The following AGBL4 variants were observed in gnomAD, a reference collection of about 807,000 sequenced individuals.
AGBL4 encodes AGBL carboxypeptidase 4.
In AGBL4, 58 loss-of-function variants were observed where a neutral mutation model predicts 66.4. The observed-to-expected ratio is 0.87, with a 90% CI of 0.71 to 1.09. The LOEUF (loss-of-function observed/expected upper bound fraction) is 1.09, where lower values mean the gene tolerates loss of function less well. Ranked by LOEUF, AGBL4 falls within the 50% of genes least tolerant of loss-of-function variation. The pLI, the probability that AGBL4 is intolerant of heterozygous loss-of-function variation, is 0.00. For missense variants in AGBL4, 579 were observed against 631.0 expected, an observed-to-expected ratio of 0.92 and a Z score of 0.88; for synonymous variants, 234 against 222.9, an observed-to-expected ratio of 1.05 and a Z score of -0.44.
chr1:49,602,199 T>C (rs912977806), intron 3 of AGBL4, among the ~76,000 whole-genome samples: 4 of 152,262 alleles, frequency 2.6e-5, no homozygotes, highest in South Asian at 4.1e-4. Context: ...AAACAATAGA[T>C]GCTGGAGAGG....
intron 5 of AGBL4, among the ~76,000 whole-genome samples, chr1:49,002,192 G>A (rs992295366): frequency 2.0e-5 from 3 of 152,178 alleles, no homozygotes; most frequent in African/African-American, 7.2e-5. Flanking sequence ...CAGAGGCAGA[G>A]GGTCATAAAC....
intron 11 of AGBL4, among the ~76,000 whole-genome samples, chr1:48,548,798 A>C (rs1644205673): frequency 6.6e-6 from 1 of 152,178 alleles, no homozygotes; most frequent in African/African-American, 2.4e-5. Flanking sequence ...TCTGATTACC[A>C]TCTCCATTTT....
intron 3 of AGBL4, among the ~76,000 whole-genome samples, chr1:49,372,228 G>GT (rs1320245009): frequency 3.3e-5 from 5 of 152,086 alleles, no homozygotes; most frequent in African/African-American, 1.2e-4. Context: ...ACAAAAACTA[G>GT]TTTTTTATCT....
intron 6 of AGBL4, among the ~76,000 whole-genome samples, chr1:48,790,526 T>C (rs1476596809): frequency 6.6e-6 from 1 of 152,156 alleles, no homozygotes; most frequent in African/African-American, 2.4e-5. Context: ...CTCAGAGAAC[T>C]TATGTATCAA....
chr1:49,624,004 T>A (rs11589835), intron 3 of AGBL4, among the ~76,000 whole-genome samples: 58,752 of 126,822 alleles, frequency 0.46, 13,701 homozygotes, highest in Non-Finnish European at 0.59. Context: ...TGAGAGAGAG[T>A]GTGTGTGTGT....
intron 1 of AGBL4, among the ~76,000 whole-genome samples, chr1:49,977,046 C>T (rs1374139541): frequency 6.6e-6 from 1 of 152,186 alleles, no homozygotes; most frequent in Non-Finnish European, 1.5e-5. Flanking sequence ...TAAATATTAA[C>T]TCATATTTCT....
chr1:48,904,715 T>C (rs1570966272), intron 5 of AGBL4, among the ~76,000 whole-genome samples: 1 of 152,246 alleles, frequency 6.6e-6, no homozygotes, highest in Non-Finnish European at 1.5e-5. Flanking sequence ...AACATTAGCA[T>C]GAGGTCAGTG....
intron 2 of AGBL4, among the ~76,000 whole-genome samples, chr1:49,705,545 C>A (rs1647194178): frequency 6.6e-6 from 1 of 152,224 alleles, no homozygotes; most frequent in Admixed American, 6.5e-5. Flanking sequence ...TTTCTCTTGC[C>A]TGATAGCCCT....
intron 3 of AGBL4, among the ~76,000 whole-genome samples, chr1:49,487,266 T>A (rs1253611886): frequency 6.6e-6 from 1 of 152,020 alleles, no homozygotes; most frequent in Non-Finnish European, 1.5e-5. Flanking sequence ...ATACTTCCAA[T>A]ATACCTGATA....
At chr1:49,821,047 C>T (rs1308432542) in intron 2 of AGBL4, among the ~76,000 whole-genome samples, 5 of 152,094 alleles carry the variant, frequency 3.3e-5, no homozygotes, top group Non-Finnish European at 7.4e-5. Flanking sequence ...TATTACTTTT[C>T]TTGCTGTTGT....
chr1:49,433,408 A>G (rs1254862122), intron 3 of AGBL4, among the ~76,000 whole-genome samples: 5 of 152,156 alleles, frequency 3.3e-5, no homozygotes, highest in South Asian at 2.1e-4. Context: ...AGGACACCCA[A>G]CTGGTGTCCA....
At position 49,302,823 on chromosome 1, in the gene AGBL4, C is replaced by T. The variant is rs114242793; in HGVS notation, c.283-56959G>A. 9.5e-3 allele frequency among the ~76,000 whole-genome samples: 1,440 copies of T among 151,902 alleles called. 13 individuals carry two copies. Among genetic ancestry groups the T allele is most frequent in the Non-Finnish European group, 0.016 (1,063 of 67,946 alleles). On this transcript the variant is annotated intron_variant, in intron 3 of 13. Transcript: ENST00000371839. ...TATCCTGATGTTCTCCCTCCCCCTGCCCCCTGACAGGCCTCAGTGTGTGTT... is the reference window on the plus strand; with the variant it reads ...TATCCTGATGTTCTCCCTCCCCCTGTCCCCTGACAGGCCTCAGTGTGTGTT...
intron 4 of AGBL4, among the ~76,000 whole-genome samples, chr1:49,055,956 A>G (rs968410081): frequency 2.6e-5 from 4 of 152,154 alleles, no homozygotes; most frequent in Admixed American, 2.6e-4. Context: ...CATTCTATCC[A>G]ACTGCCAACC....
chr1:49,508,321 C>T (rs1035488113), intron 3 of AGBL4, among the ~76,000 whole-genome samples: 3 of 151,904 alleles, frequency 2.0e-5, no homozygotes, highest in African/African-American at 4.8e-5. Context: ...GAAGTGCCAA[C>T]ATTACTGTTA....
chr1:49,466,043 C>T (rs1000920486), intron 3 of AGBL4, among the ~76,000 whole-genome samples: 1 of 151,814 alleles, frequency 6.6e-6, no homozygotes, highest in Non-Finnish European at 1.5e-5. Context: ...GCATTTTGTG[C>T]CTTAGAATGT....
At chr1:49,040,402 T>C (rs565270762) in intron 5 of AGBL4, among the ~76,000 whole-genome samples, 18 of 152,052 alleles carry the variant, frequency 1.2e-4, no homozygotes, top group Non-Finnish European at 2.5e-4. Context: ...TGGAACACAG[T>C]TTGACAGTTT....
At chr1:49,342,904 T>G (rs1449702995) in intron 3 of AGBL4, among the ~76,000 whole-genome samples, 1 of 152,192 alleles carries the variant, frequency 6.6e-6, no homozygotes, top group Non-Finnish European at 1.5e-5. Flanking sequence ...AGTTAAGGCT[T>G]ATTGGTTTCA....
intron 3 of AGBL4, among the ~76,000 whole-genome samples, chr1:49,551,730 T>C (rs973581567): frequency 3.3e-5 from 5 of 152,218 alleles, no homozygotes; most frequent in Non-Finnish European, 7.3e-5. Flanking sequence ...ATGAGAGTTC[T>C]TAGCTTTGGT....
intron 3 of AGBL4, among the ~76,000 whole-genome samples, chr1:49,283,847 C>T (rs1267301814): frequency 1.4e-5 from 2 of 146,558 alleles, no homozygotes; most frequent in African/African-American, 5.1e-5. Context: ...TGAGCAAAGC[C>T]TCCAAGAAAT....
Sources: gnomAD v4.1 joint callset for allele counts (sites outside exome capture counted in the v4.1 genomes callset) on GRCh38, gnomAD v4.1.1 for gene constraint, MANE v1.5 for transcripts, NCBI Gene and HGNC (gene_info 2026-07-23, HGNC 2026-07-21) for gene names.